BMP1: variants seen among roughly 807,000 people sequenced by gnomAD.
The protein encoded by BMP1 is bone morphogenetic protein 1.
BMP1 carries 63 observed loss-of-function variants against 116.8 expected under a neutral mutation model. That is an observed-to-expected ratio of 0.54 (90% CI 0.44 to 0.67). The LOEUF is 0.67. BMP1 is among the 30% of genes least tolerant of loss of function. The pLI is 0.00. For missense variants in BMP1, 1,183 were observed against 1,358.9 expected (o/e 0.87, Z 2.04); for synonymous variants, 536 against 533.4 (o/e 1.00, Z -0.07).
intron 19 of BMP1, among the ~76,000 whole-genome samples, chr8:22,210,750 G>T (rs1466824149): frequency 6.6e-6 from 1 of 152,182 alleles, no homozygotes; most frequent in African/African-American, 2.4e-5. Context: ...TGGCTGCCAG[G>T]CTAGTGTCCC....
In BMP1 at chr8:22,208,239, G is replaced by A. The variant is rs1829401367; in HGVS notation, c.2575+723G>A. 1.3e-5 allele frequency among the ~76,000 whole-genome samples: 2 copies of A among 152,236 alleles called. 1 individual carries two copies. Among genetic ancestry groups the A allele is most frequent in the South Asian group, 4.1e-4 (2 of 4,836 alleles). ...TGGATGAGGCGGCATCCTAAATGCA[G>A]GTCCCAGAAACAGACCAAGCAAAGA... On this transcript the variant is annotated intron_variant, in intron 18 of 19. Transcript: ENST00000306385.
At position 22,194,974 on chromosome 8, in the gene BMP1, T is replaced by G; in HGVS notation, c.1639+55T>G. 6.6e-7 allele frequency: 1 copy of G among 1,508,926 alleles called. No homozygotes were observed. Among genetic ancestry groups the G allele is most frequent in the East Asian group, 2.3e-5 (1 of 44,280 alleles). The allele number at this position is 1,508,926 out of a possible 1,614,324, so 93.5% of individuals were successfully genotyped here. Reference sequence around the variant, plus strand: ...AAGGTGCCTCGTGACCTTCATCCCTTCTTCACTCACTCATTCAACACGGAG... The same window carrying G: ...AAGGTGCCTCGTGACCTTCATCCCTGCTTCACTCACTCATTCAACACGGAG... On this transcript the variant is annotated intron_variant, in intron 12 of 19. Coordinates refer to ENST00000306385, the MANE Select transcript of BMP1 (RefSeq NM_006129.5). This position sits in a 1 kb window ranked among gnomAD's most constrained non-coding sequence, Gnocchi z 4.5.
At chr8:22,187,196 G>A (rs1454612714) in intron 8 of BMP1, among the ~76,000 whole-genome samples, 1 of 151,942 alleles carries the variant, frequency 6.6e-6, no homozygotes, top group Non-Finnish European at 1.5e-5. Context: ...TTGCCATGTT[G>A]GCCAGGCTAG....
At chr8:22,200,270 G>A (rs533765898) in intron 15 of BMP1, among the ~76,000 whole-genome samples, 5 of 152,320 alleles carry the variant, frequency 3.3e-5, no homozygotes, top group Non-Finnish European at 5.9e-5. Context: ...TCTGTGACAC[G>A]TGGCCGTTGC....
At chr8:22,193,939 T>C in intron 9 of BMP1, 119 bp from the exon 10 acceptor site, 1 of 783,450 alleles carries the variant, frequency 1.3e-6, no homozygotes, top group Non-Finnish European at 2.2e-6. Context: ...GTCTTGGGAA[T>C]GTGTGAAGTA....
In BMP1 at chr8:22,194,516, C is replaced by A; in HGVS notation, c.1369C>A (p.Pro457Thr). The A allele has an allele frequency of 6.2e-7, 1 of 1,614,188 alleles. No homozygotes were observed. Among genetic ancestry groups the A allele is most frequent in the East Asian group, 2.2e-5 (1 of 44,878 alleles). ...GCCCAACTACCCAGACGATTACCGGCCCAGCAAAGTCTGCATCTGGCGGAT... is the reference window on the plus strand; with the variant it reads ...GCCCAACTACCCAGACGATTACCGGACCAGCAAAGTCTGCATCTGGCGGAT... ...QSPNYPDDYR[P>T]SKVCIWRIQV... The change falls in exon 11 of 20, where the codon CCC becomes ACC. Residue 457 changes from proline to threonine, a missense_variant. This residue lies in a region of BMP1 where 956 missense variants were observed against 1,135.2 expected (regional missense o/e 0.84). Transcript: ENST00000306385. The surrounding 1 kb of genome is among the most constrained non-coding windows in gnomAD (Gnocchi z 4.5).
Position 22,176,666 on chromosome 8 carries a change from T to C in BMP1, c.551+16T>C. 1 of 1,612,958 alleles carries C rather than the reference T, an allele frequency of 6.2e-7. No individual in the cohort carries two copies. Among genetic ancestry groups the C allele is most frequent in the Non-Finnish European group, 8.5e-7 (1 of 1,178,998 alleles). On this transcript the variant is annotated intron_variant, in intron 4 of 19. Transcript: ENST00000306385. ...GACCTTGCGGGTGAGCAGGAAGCCC[T>C]AGGCGCTGTACCTTCCGCCATTGCC...
At chr8:22,196,539 A>G (rs1829096554) in intron 13 of BMP1, 141 bp from the exon 14 acceptor site, 26 of 1,307,048 alleles carry the variant, frequency 2.0e-5, no homozygotes, top group Non-Finnish European at 2.6e-5. Flanking sequence ...CGTCCGCCCC[A>G]GAGGGACCAG....
At chr8:22,182,553 C>T (rs1828653076) in intron 8 of BMP1, among the ~76,000 whole-genome samples, 1 of 152,186 alleles carries the variant, frequency 6.6e-6, no homozygotes, top group Non-Finnish European at 1.5e-5. Context: ...ACGTAAGATG[C>T]AATGCCTTAC....
At chr8:22,195,664 TA>T (rs910547990) in intron 13 of BMP1, 77 bp downstream of exon 13, 3 of 1,459,786 alleles carry the variant, frequency 2.1e-6, no homozygotes, top group African/African-American at 2.9e-5. Flanking sequence ...TTTTTTTTTT[TA>T]GACAGGCTTT....
rs757803254 is a variant in BMP1, at chr8:22,194,554, G to A, written c.1407G>A (p.Glu469=). The change falls in exon 11 of 20, where the codon GAG becomes GAA. Residue 469 remains glutamate, a synonymous_variant. Transcript: ENST00000306385. The surrounding 1 kb of genome is among the most constrained non-coding windows in gnomAD (Gnocchi z 4.5). ...GCATCTGGCGGATCCAGGTGTCTGAGGGCTTCCACGTGGGCCTCACATTCC... is the reference window on the plus strand; with the variant it reads ...GCATCTGGCGGATCCAGGTGTCTGAAGGCTTCCACGTGGGCCTCACATTCC... ...KVCIWRIQVS[E]GFHVGLTFQS... The A allele has an allele frequency of 2.2e-5, 36 of 1,614,070 alleles. No homozygotes were observed. The Admixed American group carries it at 6.0e-4, about 27-fold the overall frequency.
At chr8:22,184,326 G>T (rs1460552867) in intron 8 of BMP1, among the ~76,000 whole-genome samples, 1 of 152,208 alleles carries the variant, frequency 6.6e-6, no homozygotes, top group African/African-American at 2.4e-5. Flanking sequence ...TCTAGTGGAC[G>T]CACATGGCCT....
intron 15 of BMP1, chr8:22,198,767 G>A (rs1334376683): frequency 1.2e-5 from 3 of 250,942 alleles, no homozygotes; most frequent in Non-Finnish European, 2.1e-5. Flanking sequence ...ACCTGCCCCT[G>A]CACTGGCTCC....
rs2131898793 is a variant in BMP1 at position 22,204,078 on chromosome 8, T to C, written c.2233+2150T>C. 1.3e-5 allele frequency among the ~76,000 whole-genome samples: 2 copies of C among 152,314 alleles called. 1 individual carries two copies. Among genetic ancestry groups the C allele is most frequent in the South Asian group, 4.1e-4 (2 of 4,822 alleles). ...GAGGACCCAGCACTATGCAAAGATC[T>C]GTAGGGGATTCAAGACAGGAACCCC... On this transcript the variant is annotated intron_variant, in intron 16 of 19. Transcript: ENST00000306385.
intron 8 of BMP1, among the ~76,000 whole-genome samples, chr8:22,185,809 A>G (rs1311893631): frequency 6.8e-6 from 1 of 146,610 alleles, no homozygotes; most frequent in Non-Finnish European, 1.5e-5. Context: ...TTTAGCAGAG[A>G]CAGGGTTTCA....
intron 12 of BMP1, 46 bp from the exon 13 acceptor site, chr8:22,195,415 TC>T: frequency 6.4e-7 from 1 of 1,565,228 alleles, no homozygotes; most frequent in Non-Finnish European, 8.6e-7. Context: ...GCCAGCTTCT[TC>T]CCTTGAATGC....
intron 8 of BMP1, among the ~76,000 whole-genome samples, chr8:22,182,492 C>T (rs1828650345): frequency 6.6e-6 from 1 of 152,216 alleles, no homozygotes; most frequent in Non-Finnish European, 1.5e-5. Context: ...GAGACCATAC[C>T]TTGGTCATCT....
At chr8:22,183,591 AATTATTATTATT>A (rs10687529) in intron 8 of BMP1, among the ~76,000 whole-genome samples, 23 of 146,996 alleles carry the variant, frequency 1.6e-4, no homozygotes, top group African/African-American at 4.0e-4. Flanking sequence ...GTATGTGTTA[AATTATTATTATT>A]ATTATTATTA....
At chr8:22,169,304 T>G (rs1230266346) in intron 1 of BMP1, 1 of 151,254 alleles carries the variant, frequency 6.6e-6, no homozygotes. Context: ...TCCAAGGGAG[T>G]CAGCTAATCT....
Sources: gnomAD v4.1 joint callset for allele counts (sites outside exome capture counted in the v4.1 genomes callset) on GRCh38, gnomAD v4.1.1 for gene constraint, gnomAD v4.1.1 regional missense constraint, Gnocchi (gnomAD v3.1) non-coding constraint, MANE v1.5 for transcripts, NCBI Gene and HGNC (gene_info 2026-07-23, HGNC 2026-07-21) for gene names.